The following LAPTM4B variants were observed in gnomAD, a reference collection of about 807,000 sequenced individuals.
LAPTM4B encodes lysosomal-associated transmembrane protein 4B.
LAPTM4B carries 26 observed loss-of-function variants against 28.5 expected under a neutral mutation model. That is an observed-to-expected ratio of 0.91 (90% CI 0.67 to 1.27). The LOEUF is 1.27. Ranked by LOEUF, LAPTM4B falls within the 50% of genes most tolerant of loss-of-function variation. LAPTM4B has a pLI of 0.00. For synonymous variants in LAPTM4B, 109 were observed against 106.4 expected (o/e 1.02, Z -0.15); for missense variants, 288 against 285.8 (o/e 1.01, Z -0.06).
At chr8:97,796,784 A>C (rs940705444) in intron 1 of LAPTM4B, among the ~76,000 whole-genome samples, 1 of 151,942 alleles carries the variant, frequency 6.6e-6, no homozygotes, top group African/African-American at 2.4e-5. Context: ...TACTAAAAAT[A>C]CAAAAATTAG....
intron 2 of LAPTM4B, among the ~76,000 whole-genome samples, chr8:97,814,649 T>C (rs1299878478): frequency 3.3e-5 from 5 of 152,104 alleles, no homozygotes; most frequent in Non-Finnish European, 7.4e-5. Flanking sequence ...TGCTCTGGAA[T>C]AAAGAGGAAC....
intron 5 of LAPTM4B, among the ~76,000 whole-genome samples, chr8:97,819,504 C>T (rs1420961140): frequency 1.3e-5 from 2 of 152,018 alleles, no homozygotes; most frequent in African/African-American, 2.4e-5. Flanking sequence ...GATATTGCAA[C>T]GTCTGTTACA....
rs1563624254 is a variant in LAPTM4B, at chr8:97,845,906, T to TC, written c.604-5488dup. 3.2e-4 allele frequency among the ~76,000 whole-genome samples: 10 copies of TC among 31,104 alleles called. 1 individual carries two copies. The highest frequency in any genetic ancestry group is 2.9e-4 in the Non-Finnish European group (4 of 13,858). The allele number at this position is 31,104 out of a possible 152,430, so 20.4% of individuals were successfully genotyped here. On this transcript the variant is annotated intron_variant, in intron 6 of 6. Coordinates refer to ENST00000521545, the MANE Select transcript of LAPTM4B (RefSeq NM_018407.6). ...CCCCTCCCCTCCCCTCCCCTCCCCTTCCCTTCGACAGGGTCTTGCTCTGTC... is the reference window on the plus strand; with the variant it reads ...CCCCTCCCCTCCCCTCCCCTCCCCTTCCCCTTCGACAGGGTCTTGCTCTGTC...
At chr8:97,826,262 A>G (rs1455862350) in intron 6 of LAPTM4B, among the ~76,000 whole-genome samples, 4 of 152,192 alleles carry the variant, frequency 2.6e-5, no homozygotes, top group Non-Finnish European at 5.9e-5. Context: ...ATGCATGAGC[A>G]GTGGTTTAAT....
chr8:97,806,620 C>G (rs1374121302), intron 2 of LAPTM4B, among the ~76,000 whole-genome samples: 2 of 152,102 alleles, frequency 1.3e-5, no homozygotes, highest in Non-Finnish European at 2.9e-5. Context: ...CTAGAATTCC[C>G]CTGTATTGTG....
intron 6 of LAPTM4B, among the ~76,000 whole-genome samples, chr8:97,839,268 C>T (rs560382479): frequency 6.6e-6 from 1 of 152,228 alleles, no homozygotes; most frequent in South Asian, 2.1e-4. Flanking sequence ...GATCTCGGCT[C>T]ACTGCATCCT....
chr8:97,801,021 A>G (rs1816668299), intron 1 of LAPTM4B, among the ~76,000 whole-genome samples: 7 of 151,766 alleles, frequency 4.6e-5, no homozygotes, highest in Admixed American at 4.6e-4. Flanking sequence ...CGACTTCCTC[A>G]CCTTTCCATC....
At chr8:97,841,317 T>A (rs1216968501) in intron 6 of LAPTM4B, among the ~76,000 whole-genome samples, 1 of 152,222 alleles carries the variant, frequency 6.6e-6, no homozygotes, top group Non-Finnish European at 1.5e-5. Context: ...TTTGGAAAAA[T>A]TATTCTAGAT....
chr8:97,835,806 T>C (rs958596127), intron 6 of LAPTM4B, among the ~76,000 whole-genome samples: 1 of 152,138 alleles, frequency 6.6e-6, no homozygotes, highest in Non-Finnish European at 1.5e-5. Context: ...AATTTGGTTA[T>C]AAGAGGAAAA....
intron 6 of LAPTM4B, among the ~76,000 whole-genome samples, chr8:97,842,929 A>C (rs749839262): frequency 2.8e-4 from 43 of 151,274 alleles, no homozygotes; most frequent in Non-Finnish European, 5.6e-4. Flanking sequence ...CCCAGGCTGG[A>C]GTGTGGTGGT....
intron 1 of LAPTM4B, among the ~76,000 whole-genome samples, chr8:97,797,473 G>T (rs925032993): frequency 1.3e-5 from 2 of 152,120 alleles, no homozygotes; most frequent in Non-Finnish European, 2.9e-5. Flanking sequence ...CATTTAGTGT[G>T]ATTCTGTGAA....
In LAPTM4B at chr8:97,851,688, G is replaced by T. The variant is rs551381919; in HGVS notation, c.*214G>T. 1 of 581,876 alleles carries T rather than the reference G, an allele frequency of 1.7e-6. No homozygotes were observed. The highest frequency in any genetic ancestry group is 2.9e-5 in the East Asian group (1 of 34,936). The allele number at this position is 581,876 out of a possible 1,614,324, so 36.0% of individuals were successfully genotyped here. A position where few individuals can be genotyped will look rare whatever the true frequency, so the allele number is the denominator to read the frequency against. On this transcript the variant is annotated 3_prime_UTR_variant, in exon 7 of 7. Coordinates refer to ENST00000521545, the MANE Select transcript of LAPTM4B (RefSeq NM_018407.6). ...ATTAACTGTAGAATTCTTCCTGTAC[G>T]ATTGGGGATATAATGGGCTTCACTA...
intron 6 of LAPTM4B, among the ~76,000 whole-genome samples, chr8:97,849,571 G>C (rs1194668549): frequency 6.6e-6 from 1 of 152,220 alleles, no homozygotes. Context: ...TTAGCACATA[G>C]GCAAAGATCA....
intron 5 of LAPTM4B, among the ~76,000 whole-genome samples, chr8:97,823,047 T>C (rs1431387489): frequency 6.6e-6 from 1 of 152,072 alleles, no homozygotes; most frequent in Non-Finnish European, 1.5e-5. Flanking sequence ...TTCATCGCGT[T>C]AGCCAGGGTG....
At chr8:97,818,098 C>T (rs1816950304) in intron 4 of LAPTM4B, among the ~76,000 whole-genome samples, 1 of 152,206 alleles carries the variant, frequency 6.6e-6, no homozygotes, top group Non-Finnish European at 1.5e-5. Context: ...CAGGCATGAG[C>T]CACTGTGCTT....
intron 1 of LAPTM4B, among the ~76,000 whole-genome samples, chr8:97,780,458 A>C (rs2449504): frequency 0.12 from 17,819 of 152,194 alleles, 1,272 homozygotes; most frequent in Middle Eastern, 0.26. Context: ...AAAAAGTAAG[A>C]GTCCACAATA....
intron 1 of LAPTM4B, among the ~76,000 whole-genome samples, chr8:97,804,099 G>T (rs1816726496): frequency 6.6e-6 from 1 of 152,182 alleles, no homozygotes; most frequent in Admixed American, 6.5e-5. Flanking sequence ...GCCAGTCTTG[G>T]CCTGGCCCAG....
At chr8:97,791,741 C>T (rs1376699596) in intron 1 of LAPTM4B, among the ~76,000 whole-genome samples, 2 of 152,212 alleles carry the variant, frequency 1.3e-5, no homozygotes, top group South Asian at 2.1e-4. Context: ...AATCAAAGCA[C>T]CAACAATTGA....
intron 6 of LAPTM4B, among the ~76,000 whole-genome samples, chr8:97,829,409 G>A (rs1019158944): frequency 1.3e-5 from 2 of 152,146 alleles, no homozygotes; most frequent in African/African-American, 4.8e-5. Flanking sequence ...AGTGGGACTG[G>A]AATGCTCCAA....
Sources: allele counts gnomAD v4.1 joint callset (sites outside exome capture counted in the v4.1 genomes callset), GRCh38; gene constraint gnomAD v4.1.1; transcripts MANE v1.5; gene names NCBI Gene and HGNC (gene_info 2026-07-23, HGNC 2026-07-21).